CDH13: variants seen among roughly 807,000 people sequenced by gnomAD.
The protein encoded by CDH13 is cadherin-13.
CDH13 carries 24 observed loss-of-function variants against 63.8 expected under a neutral mutation model. The observed-to-expected ratio is 0.38, with a 90% CI of 0.27 to 0.53. CDH13 has a LOEUF of 0.53. Among genes scored for constraint, CDH13 ranks in the 20% least tolerant of loss-of-function variants. The pLI is 0.85. For synonymous variants in CDH13, 503 were observed against 355.3 expected, an observed-to-expected ratio of 1.42 and a Z score of -4.67; for missense variants, 1,049 against 903.1, an observed-to-expected ratio of 1.16 and a Z score of -2.07.
At chr16:82,746,311 TA>T (rs1266240236) in intron 1 of CDH13, among the ~76,000 whole-genome samples, 1 of 138,440 alleles carries the variant, frequency 7.2e-6, no homozygotes, top group East Asian at 1.9e-4. Context: ...ATACATATTT[TA>T]AACAATTTCT....
At chr16:83,566,596 C>G (rs1231465743) in intron 7 of CDH13, among the ~76,000 whole-genome samples, 1 of 152,170 alleles carries the variant, frequency 6.6e-6, no homozygotes, top group Middle Eastern at 3.2e-3. Context: ...CGCCCAAGCC[C>G]TGAGCAGGCA....
chr16:83,205,242 A>G (rs1350743032), intron 4 of CDH13, among the ~76,000 whole-genome samples: 2 of 152,236 alleles, frequency 1.3e-5, no homozygotes, highest in Non-Finnish European at 2.9e-5. Flanking sequence ...TGAAACACAC[A>G]GCATGCATTA....
chr16:83,498,443 T>A (rs1028546579), intron 7 of CDH13, among the ~76,000 whole-genome samples: 1 of 152,214 alleles, frequency 6.6e-6, no homozygotes, highest in Admixed American at 6.5e-5. Flanking sequence ...CCACCTCTCA[T>A]TGCCCTTTCT....
intron 7 of CDH13, among the ~76,000 whole-genome samples, chr16:83,505,902 G>A (rs114272641): frequency 6.6e-6 from 1 of 152,172 alleles, no homozygotes; most frequent in Admixed American, 6.5e-5. Flanking sequence ...CATTGCAAAC[G>A]CATCAGCATG....
chr16:83,600,478 C>G (rs1013574276), intron 7 of CDH13, among the ~76,000 whole-genome samples: 1 of 152,198 alleles, frequency 6.6e-6, no homozygotes, highest in South Asian at 2.1e-4. Flanking sequence ...GCCAGTTGCA[C>G]TTCAAAATAC....
rs1030843204 is a variant in CDH13, at chr16:83,570,763, A to T, written c.961-31691A>T. Among the ~76,000 whole-genome samples the T allele has an allele frequency of 3.5e-5, 5 of 143,328 alleles. 1 individual carries two copies. The South Asian group carries it at 6.3e-4, about 18-fold the overall frequency. 94.0% of individuals were successfully genotyped at this position (143,328 alleles called of 152,430 possible). A position where few individuals can be genotyped will look rare whatever the true frequency, so the allele number is the denominator to read the frequency against. On this transcript the variant is annotated intron_variant, in intron 7 of 13. Transcript: ENST00000567109. ...TATATTTTATAAAAATTATATATTTATATATATGAATAAAATATATTTTAT... is the reference window on the plus strand; with the variant it reads ...TATATTTTATAAAAATTATATATTTTTATATATGAATAAAATATATTTTAT...
At chr16:82,759,939 T>C (rs1055714704) in intron 1 of CDH13, among the ~76,000 whole-genome samples, 5 of 152,204 alleles carry the variant, frequency 3.3e-5, no homozygotes, top group African/African-American at 1.2e-4. Context: ...ATATTTACTG[T>C]AAGTTTTCAT....
chr16:82,893,101 C>A (rs977588970), intron 2 of CDH13, among the ~76,000 whole-genome samples: 1 of 152,162 alleles, frequency 6.6e-6, no homozygotes, highest in African/African-American at 2.4e-5. Flanking sequence ...AACCATGATT[C>A]CTGAATTCCA....
At chr16:83,546,451 G>A (rs2075387926) in intron 7 of CDH13, among the ~76,000 whole-genome samples, 1 of 149,296 alleles carries the variant, frequency 6.7e-6, no homozygotes, top group Non-Finnish European at 1.5e-5. Flanking sequence ...TTTAATCAAA[G>A]AAGAAAATAG....
intron 1 of CDH13, among the ~76,000 whole-genome samples, chr16:82,843,136 T>G (rs1286858107): frequency 6.6e-6 from 1 of 152,242 alleles, no homozygotes; most frequent in Non-Finnish European, 1.5e-5. Context: ...TTTTAAGTTG[T>G]GTTTTCAAAG....
chr16:82,851,169 C>T (rs1170718393), intron 1 of CDH13, among the ~76,000 whole-genome samples: 3 of 152,102 alleles, frequency 2.0e-5, no homozygotes, highest in Non-Finnish European at 4.4e-5. Flanking sequence ...GGTACGGTGG[C>T]TCATGCCTGT....
intron 1 of CDH13, among the ~76,000 whole-genome samples, chr16:82,831,349 C>T (rs974886437): frequency 6.6e-6 from 1 of 152,098 alleles, no homozygotes; most frequent in Non-Finnish European, 1.5e-5. Flanking sequence ...CCTAACAATT[C>T]AGCTTGGTTG....
chr16:82,787,841 A>AGTGTGTGT (rs10528183), intron 1 of CDH13, among the ~76,000 whole-genome samples: 2 of 146,654 alleles, frequency 1.4e-5, no homozygotes, highest in Non-Finnish European at 3.0e-5. Flanking sequence ...GAAGGGAGGA[A>AGTGTGTGT]GTGTGTGTGT....
At chr16:83,483,916 T>C (rs959413853) in intron 6 of CDH13, among the ~76,000 whole-genome samples, 4 of 152,232 alleles carry the variant, frequency 2.6e-5, no homozygotes, top group Non-Finnish European at 5.9e-5. Flanking sequence ...GTCATGCTGT[T>C]CCTGCTGTCT....
intron 3 of CDH13, among the ~76,000 whole-genome samples, chr16:83,081,701 G>T (rs1187158200): frequency 6.6e-6 from 1 of 152,016 alleles, no homozygotes; most frequent in Non-Finnish European, 1.5e-5. Context: ...GAGAGAGAGA[G>T]AGAGAAAGAG....
chr16:82,981,248 T>A (rs1910222853), intron 2 of CDH13, among the ~76,000 whole-genome samples: 1 of 152,220 alleles, frequency 6.6e-6, no homozygotes, highest in Non-Finnish European at 1.5e-5. Flanking sequence ...ATTATCAGCC[T>A]GTGTGAATAA....
At chr16:83,644,835 T>C (rs1398569112) in intron 8 of CDH13, among the ~76,000 whole-genome samples, 1 of 152,192 alleles carries the variant, frequency 6.6e-6, no homozygotes, top group African/African-American at 2.4e-5. Context: ...GGCATGAACT[T>C]GAACTTGCAG....
At chr16:82,974,482 A>T (rs1198093600) in intron 2 of CDH13, among the ~76,000 whole-genome samples, 1 of 152,200 alleles carries the variant, frequency 6.6e-6, no homozygotes, top group African/African-American at 2.4e-5. Context: ...TTTCTGGATC[A>T]CAGGTATGAC....
At chr16:82,742,334 C>G (rs1270071879) in intron 1 of CDH13, among the ~76,000 whole-genome samples, 3 of 151,960 alleles carry the variant, frequency 2.0e-5, no homozygotes, top group African/African-American at 4.8e-5. Context: ...TTGCCTTTCT[C>G]TAGTTTCCAA....
Sources: allele counts gnomAD v4.1 joint callset (sites outside exome capture counted in the v4.1 genomes callset), GRCh38; gene constraint gnomAD v4.1.1; transcripts MANE v1.5; gene names NCBI Gene and HGNC (gene_info 2026-07-23, HGNC 2026-07-21).